Variants in NCOA1 observed in about 807,000 individuals in gnomAD.
NCOA1 encodes nuclear receptor coactivator 1.
NCOA1 carries 35 observed loss-of-function variants against 150.9 expected under a neutral mutation model. That is an observed-to-expected ratio of 0.23 (90% CI 0.18 to 0.31). NCOA1 has a LOEUF of 0.31. Ranked by LOEUF, NCOA1 falls within the 10% of genes least tolerant of loss-of-function variation. The pLI is 1.00. For missense variants in NCOA1, 1,491 were observed against 1,749.3 expected (o/e 0.85, Z 2.63); for synonymous variants, 590 against 630.0 (o/e 0.94, Z 0.95).
intron 3 of NCOA1, among the ~76,000 whole-genome samples, chr2:24,592,414 G>C (rs1462818560): frequency 6.6e-6 from 1 of 152,044 alleles, no homozygotes; most frequent in Admixed American, 6.6e-5. Context: ...GATCCCTTGA[G>C]GTGCTGGGCC....
intron 19 of NCOA1, among the ~76,000 whole-genome samples, chr2:24,749,399 C>T (rs1187829059): frequency 6.6e-6 from 1 of 152,222 alleles, no homozygotes; most frequent in African/African-American, 2.4e-5. Flanking sequence ...TTCAAGTCTT[C>T]AGCTGAGAGC....
At chr2:24,717,110 A>G (rs935257904) in intron 14 of NCOA1, among the ~76,000 whole-genome samples, 1 of 152,178 alleles carries the variant, frequency 6.6e-6, no homozygotes, top group Non-Finnish European at 1.5e-5. Context: ...AAACAACAAT[A>G]TGCTGGCGAG....
At chr2:24,494,847 T>G (rs1663132285) in intron 1 of NCOA1, among the ~76,000 whole-genome samples, 1 of 152,218 alleles carries the variant, frequency 6.6e-6, no homozygotes, top group Non-Finnish European at 1.5e-5. Flanking sequence ...AGGAAAGGAC[T>G]TTTTAAAATT....
chr2:24,501,721 G>T (rs1344748086), intron 1 of NCOA1, among the ~76,000 whole-genome samples: 1 of 152,094 alleles, frequency 6.6e-6, no homozygotes, highest in Admixed American at 6.5e-5. Context: ...CCCTAGATAG[G>T]CTTTAGGGGA....
At chr2:24,555,438 G>A (rs1265899023) in intron 1 of NCOA1, among the ~76,000 whole-genome samples, 2 of 152,118 alleles carry the variant, frequency 1.3e-5, no homozygotes, top group African/African-American at 2.4e-5. Context: ...GTTTTTGCTC[G>A]TGTAGAGTGT....
chr2:24,696,068 T>C (rs894837061), intron 10 of NCOA1, among the ~76,000 whole-genome samples: 6 of 152,184 alleles, frequency 3.9e-5, no homozygotes, highest in African/African-American at 1.4e-4. Flanking sequence ...TTTTATAGTT[T>C]CAGTTACAGT....
chr2:24,705,378 A>G (rs1673368837), intron 12 of NCOA1, 145 bp downstream of exon 12: 1 of 719,564 alleles, frequency 1.4e-6, no homozygotes, highest in Non-Finnish European at 2.2e-6. Context: ...TAATCAATAT[A>G]TCCATATTGG....
intron 15 of NCOA1, 93 bp downstream of exon 15, chr2:24,726,799 T>G: frequency 1.6e-6 from 1 of 630,620 alleles, no homozygotes; most frequent in Non-Finnish European, 2.5e-6. Flanking sequence ...TCTACAGTGG[T>G]ATTTTGTGAG....
chr2:24,718,750 G>T (rs553138681), intron 14 of NCOA1, among the ~76,000 whole-genome samples: 1 of 150,408 alleles, frequency 6.6e-6, no homozygotes, highest in African/African-American at 2.4e-5. Context: ...CAAATCAGCC[G>T]GGCGGCTACT....
intron 6 of NCOA1, among the ~76,000 whole-genome samples, chr2:24,668,757 A>G (rs752534490): frequency 6.6e-6 from 1 of 151,896 alleles, no homozygotes; most frequent in South Asian, 2.1e-4. Context: ...AGCCAGTCCT[A>G]GTTGGAGCAG....
At chr2:24,559,648 TTTC>T (rs1666217099) in intron 1 of NCOA1, among the ~76,000 whole-genome samples, 1 of 152,186 alleles carries the variant, frequency 6.6e-6, no homozygotes, top group Admixed American at 6.5e-5. Flanking sequence ...TGGCCTGCCC[TTTC>T]TTCCATGTTT....
chr2:24,715,685 CAT>C (rs1343733992), intron 14 of NCOA1, among the ~76,000 whole-genome samples: 1 of 152,096 alleles, frequency 6.6e-6, no homozygotes, highest in South Asian at 2.1e-4. Flanking sequence ...GATGGAATAA[CAT>C]GTGCATTACT....
chr2:24,669,812 A>G (rs1486243732), intron 6 of NCOA1, among the ~76,000 whole-genome samples: 1 of 152,212 alleles, frequency 6.6e-6, no homozygotes, highest in Non-Finnish European at 1.5e-5. Flanking sequence ...TCAAAGTCAC[A>G]TACCATTTCA....
chr2:24,574,208 A>G (rs1011200313), intron 2 of NCOA1, among the ~76,000 whole-genome samples: 18 of 152,106 alleles, frequency 1.2e-4, no homozygotes, highest in African/African-American at 4.3e-4. Flanking sequence ...AGCGAATACT[A>G]TTTATTAACT....
intron 12 of NCOA1, among the ~76,000 whole-genome samples, chr2:24,706,206 A>T (rs947281423): frequency 1.3e-5 from 2 of 152,118 alleles, no homozygotes; most frequent in East Asian, 3.8e-4. Flanking sequence ...AATTATTATA[A>T]TGTTAATTGT....
chr2:24,699,660 C>T (rs1673061688), intron 11 of NCOA1, among the ~76,000 whole-genome samples: 2 of 152,150 alleles, frequency 1.3e-5, no homozygotes, highest in African/African-American at 2.4e-5. Context: ...AGATTCTAAA[C>T]AACCTGACAA....
chr2:24,515,451 G>C (rs1664124389), intron 1 of NCOA1, among the ~76,000 whole-genome samples: 1 of 152,012 alleles, frequency 6.6e-6, no homozygotes, highest in East Asian at 1.9e-4. Flanking sequence ...GCCCAGGCTG[G>C]TCTCAAAACT....
chr2:24,741,527 C>T (rs888335721), intron 18 of NCOA1, among the ~76,000 whole-genome samples: 15 of 152,066 alleles, frequency 9.9e-5, no homozygotes, highest in Admixed American at 6.6e-4. Flanking sequence ...TGAGAATTTG[C>T]GTTCTCATTT....
intron 1 of NCOA1, among the ~76,000 whole-genome samples, chr2:24,538,546 G>C (rs934865695): frequency 1.3e-5 from 2 of 152,204 alleles, no homozygotes; most frequent in Non-Finnish European, 2.9e-5. Flanking sequence ...TAACTTGAGA[G>C]CTTGGATGCG....
Sources: allele counts gnomAD v4.1 joint callset (sites outside exome capture counted in the v4.1 genomes callset), GRCh38; gene constraint gnomAD v4.1.1; transcripts MANE v1.5; gene names NCBI Gene and HGNC (gene_info 2026-07-23, HGNC 2026-07-21).